LRP1B: variants seen among roughly 807,000 people sequenced by gnomAD.
The protein encoded by LRP1B is low-density lipoprotein receptor-related protein 1B.
LRP1B carries 217 observed loss-of-function variants against 556.6 expected under a neutral mutation model. The ratio of observed to expected loss-of-function variants is 0.39; its 90% CI spans 0.35 to 0.44. The LOEUF is 0.44. Ranked by LOEUF, LRP1B falls within the 20% of genes least tolerant of loss-of-function variation. The pLI, the probability that LRP1B is intolerant of heterozygous loss-of-function variation, is 1.00. For synonymous variants in LRP1B, 2,047 were observed against 1,865.8 expected (o/e 1.10, Z -2.50); for missense variants, 5,053 against 5,620.8 (o/e 0.90, Z 3.23).
chr2:141,641,421 A>G (rs1166229899), intron 2 of LRP1B, among the ~76,000 whole-genome samples: 1 of 152,142 alleles, frequency 6.6e-6, no homozygotes, highest in Non-Finnish European at 1.5e-5. Context: ...AAAATTAAAC[A>G]CTATACTGAA....
chr2:140,410,880 C>T (rs1047810708), intron 66 of LRP1B, among the ~76,000 whole-genome samples: 1 of 152,082 alleles, frequency 6.6e-6, no homozygotes. Flanking sequence ...AAGCTGGTTG[C>T]AAGCATTGTC....
intron 13 of LRP1B, among the ~76,000 whole-genome samples, chr2:141,015,019 A>G (rs1359463156): frequency 2.0e-5 from 3 of 152,080 alleles, no homozygotes; most frequent in Non-Finnish European, 2.9e-5. Context: ...CATTTCTAAC[A>G]TCCCCTTTTT....
At chr2:140,780,027 A>C (rs188528344) in intron 32 of LRP1B, among the ~76,000 whole-genome samples, 61 of 151,964 alleles carry the variant, frequency 4.0e-4, no homozygotes, top group African/African-American at 1.3e-3. Flanking sequence ...GGGAGTAAGA[A>C]CTCCAGGAAA....
chr2:141,405,081 G>A (rs965767212), intron 3 of LRP1B, among the ~76,000 whole-genome samples: 9 of 151,800 alleles, frequency 5.9e-5, no homozygotes, highest in Admixed American at 3.3e-4. Flanking sequence ...CGACAAGAGC[G>A]AGACTCCGTC....
intron 35 of LRP1B, among the ~76,000 whole-genome samples, chr2:140,736,236 T>C (rs868321231): frequency 6.6e-6 from 1 of 152,094 alleles, no homozygotes; most frequent in African/African-American, 2.4e-5. Context: ...TCAGGGGACA[T>C]GCCATTCACT....
intron 1 of LRP1B, among the ~76,000 whole-genome samples, chr2:141,839,037 A>T (rs1697380211): frequency 6.6e-6 from 1 of 152,172 alleles, no homozygotes; most frequent in Non-Finnish European, 1.5e-5. Context: ...TTTGTTTTTA[A>T]TTTATATGCT....
chr2:140,268,570 T>C (rs1214347760), intron 86 of LRP1B, among the ~76,000 whole-genome samples: 2 of 152,004 alleles, frequency 1.3e-5, no homozygotes, highest in African/African-American at 2.4e-5. Flanking sequence ...CACTGGTTAT[T>C]AAGGAGTATA....
At chr2:141,563,023 G>C (rs1041608929) in intron 2 of LRP1B, among the ~76,000 whole-genome samples, 33 of 151,988 alleles carry the variant, frequency 2.2e-4, no homozygotes, top group Non-Finnish European at 3.7e-4. Context: ...AAAGGGATGT[G>C]AAAACTTCTG....
intron 1 of LRP1B, among the ~76,000 whole-genome samples, chr2:142,031,330 A>ATTTTTTTTTTTTTTTTTTTTTTTTTT (rs560363480): frequency 2.6e-5 from 3 of 117,048 alleles, no homozygotes; most frequent in African/African-American, 8.8e-5. Flanking sequence ...GATTATACTT[A>ATTTTTTTTTTTTTTTTTTTTTTTTTT]TTTTTTTTTT....
At chr2:141,285,840 G>A (rs1685695455) in intron 3 of LRP1B, among the ~76,000 whole-genome samples, 1 of 148,306 alleles carries the variant, frequency 6.7e-6, no homozygotes, top group South Asian at 2.1e-4. Flanking sequence ...GCCGAGGCGG[G>A]CGGATCACGA....
intron 2 of LRP1B, among the ~76,000 whole-genome samples, chr2:141,507,785 T>A (rs983640698): frequency 6.6e-6 from 1 of 152,126 alleles, no homozygotes; most frequent in Admixed American, 6.6e-5. Context: ...AAATATAATA[T>A]GCTTAAAAAA....
intron 1 of LRP1B, among the ~76,000 whole-genome samples, chr2:142,130,198 C>A (rs1707802763): frequency 6.6e-6 from 1 of 152,208 alleles, no homozygotes; most frequent in South Asian, 2.1e-4. Flanking sequence ...CCACGGACCT[C>A]GAATGCAGCA....
At chr2:141,501,308 A>T (rs1683702188) in intron 2 of LRP1B, among the ~76,000 whole-genome samples, 1 of 152,140 alleles carries the variant, frequency 6.6e-6, no homozygotes, top group Non-Finnish European at 1.5e-5. Context: ...TCAAGAACAT[A>T]AGTATCATAA....
intron 83 of LRP1B, among the ~76,000 whole-genome samples, chr2:140,307,138 C>T (rs1245682106): frequency 6.6e-6 from 1 of 151,750 alleles, no homozygotes; most frequent in Non-Finnish European, 1.5e-5. Context: ...CAATTTGGTG[C>T]AGTGTTAAAT....
chr2:140,327,967 TTAATAAA>T (rs2105069268), intron 79 of LRP1B, among the ~76,000 whole-genome samples: 1 of 152,126 alleles, frequency 6.6e-6, no homozygotes, highest in East Asian at 1.9e-4. Flanking sequence ...ATTAAGCCCT[TTAATAAA>T]AGAGATAGTC....
intron 7 of LRP1B, among the ~76,000 whole-genome samples, chr2:141,069,034 T>C (rs948947650): frequency 2.6e-5 from 4 of 152,042 alleles, no homozygotes; most frequent in Non-Finnish European, 5.9e-5. Flanking sequence ...ACATTAATAA[T>C]GAGCAGCAAT....
intron 43 of LRP1B, among the ~76,000 whole-genome samples, chr2:140,596,740 G>C (rs1301110469): frequency 6.6e-6 from 1 of 152,164 alleles, no homozygotes; most frequent in Non-Finnish European, 1.5e-5. Context: ...ACCAGGGGTA[G>C]AATCACCTTC....
At chr2:140,601,681 C>CA (rs1300089374) in intron 41 of LRP1B, 42 bp from the exon 42 acceptor site, 18 of 1,408,976 alleles carry the variant, frequency 1.3e-5, no homozygotes, top group Middle Eastern at 2.5e-4. Context: ...CTTTTATTTA[C>CA]AAAAAAATGA....
intron 23 of LRP1B, chr2:140,898,514 T>C (rs956981825): frequency 1.2e-5 from 3 of 249,232 alleles, no homozygotes; most frequent in South Asian, 4.6e-5. Flanking sequence ...AAGTTCTCCT[T>C]AGAATTGTAG....
Sources: gnomAD v4.1 joint callset for allele counts (sites outside exome capture counted in the v4.1 genomes callset) on GRCh38, gnomAD v4.1.1 for gene constraint, MANE v1.5 for transcripts, NCBI Gene and HGNC (gene_info 2026-07-23, HGNC 2026-07-21) for gene names.